KCNIP1: variants seen among roughly 807,000 people sequenced by gnomAD.
KCNIP1 encodes A-type potassium channel modulatory protein KCNIP1.
A neutral mutation model predicts 33.0 loss-of-function variants in KCNIP1; 18 were observed. That is an observed-to-expected ratio of 0.55 (90% CI 0.38 to 0.81). The LOEUF is 0.81. Among genes scored for constraint, KCNIP1 ranks in the 30% least tolerant of loss-of-function variants. The probability of loss-of-function intolerance (pLI) is 0.00; values close to 1 mark genes in which losing one functional copy is unlikely to be tolerated. For synonymous variants in KCNIP1, 93 were observed against 98.3 expected, an observed-to-expected ratio of 0.95 and a Z score of 0.32; for missense variants, 238 against 271.6, an observed-to-expected ratio of 0.88 and a Z score of 0.87.
intron 2 of KCNIP1, among the ~76,000 whole-genome samples, chr5:170,720,017 G>A (rs534203204): frequency 6.6e-6 from 1 of 152,314 alleles, no homozygotes; most frequent in Non-Finnish European, 1.5e-5. Flanking sequence ...TAAGGATATT[G>A]AGGATCAGAG....
intron 1 of KCNIP1, among the ~76,000 whole-genome samples, chr5:170,469,966 C>T (rs1049301616): frequency 1.3e-5 from 2 of 152,154 alleles, no homozygotes; most frequent in Non-Finnish European, 2.9e-5. Flanking sequence ...CAGAGGTTCA[C>T]GTATTTCCTG....
intron 1 of KCNIP1, among the ~76,000 whole-genome samples, chr5:170,530,711 G>A (rs1001287986): frequency 6.6e-6 from 1 of 152,210 alleles, no homozygotes; most frequent in African/African-American, 2.4e-5. Context: ...TGCATCCAGG[G>A]CTCAGATAGC....
At chr5:170,544,196 T>C (rs1756322262) in intron 1 of KCNIP1, among the ~76,000 whole-genome samples, 2 of 152,114 alleles carry the variant, frequency 1.3e-5, no homozygotes, top group South Asian at 4.1e-4. Flanking sequence ...GCGAATCACC[T>C]GAGGTCAGGA....
chr5:170,711,609 T>C (rs994417548), intron 1 of KCNIP1, among the ~76,000 whole-genome samples: 1 of 152,192 alleles, frequency 6.6e-6, no homozygotes, highest in Non-Finnish European at 1.5e-5. Flanking sequence ...GGAACAGATA[T>C]ACCACACCAG....
At chr5:170,728,521 T>G (rs1467282067) in intron 5 of KCNIP1, among the ~76,000 whole-genome samples, 1 of 152,262 alleles carries the variant, frequency 6.6e-6, no homozygotes, top group Non-Finnish European at 1.5e-5. Flanking sequence ...AAAAAGAAAT[T>G]GTGTAGCCAA....
At chr5:170,603,154 G>A (rs925907129) in intron 1 of KCNIP1, among the ~76,000 whole-genome samples, 3 of 151,928 alleles carry the variant, frequency 2.0e-5, no homozygotes, top group Admixed American at 6.5e-5. Flanking sequence ...TGCATAATGT[G>A]CAGATGAGGC....
intron 1 of KCNIP1, among the ~76,000 whole-genome samples, chr5:170,480,376 A>G (rs1756950508): frequency 1.9e-5 from 2 of 107,226 alleles, no homozygotes; most frequent in African/African-American, 1.2e-4. Flanking sequence ...TTGAGCTTAA[A>G]TGTGGCCTAA....
rs185220092 is a variant in KCNIP1 at position 170,546,735 on chromosome 5, C to A, written c.61+42102C>A. On this transcript the variant is annotated intron_variant, in intron 1 of 7. Transcript: ENST00000328939. ...GGAGTCAGCCTGCCACAATCTACTACATCTTACCTGGAAGCAATACCTTAT... is the reference window on the plus strand; with the variant it reads ...GGAGTCAGCCTGCCACAATCTACTAAATCTTACCTGGAAGCAATACCTTAT... Among the ~76,000 whole-genome samples, 221 of 152,202 alleles carry A rather than the reference C, an allele frequency of 1.5e-3. 1 individual carries two copies. The highest frequency in any genetic ancestry group is 5.1e-3 in the African/African-American group (210 of 41,524).
At chr5:170,415,342 T>C (rs1341951719) in intron 1 of KCNIP1, among the ~76,000 whole-genome samples, 1 of 152,144 alleles carries the variant, frequency 6.6e-6, no homozygotes, top group Non-Finnish European at 1.5e-5. Context: ...TCTACAACGG[T>C]ACTACTGACA....
intron 1 of KCNIP1, among the ~76,000 whole-genome samples, chr5:170,674,816 G>C (rs576698740): frequency 6.6e-6 from 1 of 152,138 alleles, no homozygotes; most frequent in Admixed American, 6.5e-5. Flanking sequence ...AGTCTCCATG[G>C]AGCTGACTTT....
chr5:170,434,751 T>C (rs1755821812), intron 1 of KCNIP1, among the ~76,000 whole-genome samples: 1 of 152,094 alleles, frequency 6.6e-6, no homozygotes, highest in African/African-American at 2.4e-5. Flanking sequence ...GGTCAGGAGT[T>C]TGAGACCAGC....
chr5:170,478,401 C>T (rs1038363976), intron 1 of KCNIP1, among the ~76,000 whole-genome samples: 8 of 152,322 alleles, frequency 5.3e-5, no homozygotes, highest in Non-Finnish European at 1.2e-4. Context: ...GGCTGGAGGA[C>T]AAGCTTCCCC....
intron 1 of KCNIP1, among the ~76,000 whole-genome samples, chr5:170,473,421 C>T (rs1756780945): frequency 6.6e-6 from 1 of 152,162 alleles, no homozygotes; most frequent in Admixed American, 6.5e-5. Flanking sequence ...GCAAAAGCAA[C>T]GTGCCCGAAG....
chr5:170,488,501 C>T (rs1363257816), intron 1 of KCNIP1, among the ~76,000 whole-genome samples: 3 of 152,182 alleles, frequency 2.0e-5, no homozygotes, highest in African/African-American at 4.8e-5. Flanking sequence ...TACGGTTAAG[C>T]ATCAGAGGAG....
chr5:170,637,749 A>G (rs1036356865), intron 1 of KCNIP1, among the ~76,000 whole-genome samples: 2 of 152,040 alleles, frequency 1.3e-5, no homozygotes, highest in Non-Finnish European at 2.9e-5. Flanking sequence ...TTCGCGCTAC[A>G]TAACAGACTC....
rs1487162006 is a variant in KCNIP1, at chr5:170,390,527, T to A, written c.88+36563T>A. ...CAAAAAAAAAAAACAAATATATATATATATATATATATTTTCAACAAAACA... is the reference window on the plus strand; with the variant it reads ...CAAAAAAAAAAAACAAATATATATAAATATATATATATTTTCAACAAAACA... On this transcript the variant is annotated intron_variant, in intron 1 of 7. Transcript: ENST00000377360. Among the ~76,000 whole-genome samples, 46 of 117,744 alleles carry A rather than the reference T, an allele frequency of 3.9e-4. 1 individual carries two copies. Among genetic ancestry groups the A allele is most frequent in the Non-Finnish European group, 6.0e-4 (34 of 57,026 alleles). The allele number at this position is 117,744 out of a possible 152,430, so 77.2% of individuals were successfully genotyped here.
At chr5:170,503,782 C>T (rs1427914112), upstream of KCNIP1, among the ~76,000 whole-genome samples, 1 of 133,258 alleles carries the variant, frequency 7.5e-6, no homozygotes, top group African/African-American at 2.8e-5. Context: ...ACACAGTCTC[C>T]CTGGGGCCAA....
At chr5:170,593,852 C>A (rs939588994) in intron 1 of KCNIP1, among the ~76,000 whole-genome samples, 2 of 152,130 alleles carry the variant, frequency 1.3e-5, no homozygotes, top group Non-Finnish European at 2.9e-5. Context: ...TGGGGGCCTT[C>A]CCTTCCCAGC....
chr5:170,394,990 A>G (rs777949124), intron 1 of KCNIP1, among the ~76,000 whole-genome samples: 1 of 152,170 alleles, frequency 6.6e-6, no homozygotes, highest in Non-Finnish European at 1.5e-5. Flanking sequence ...TCTTTATCTA[A>G]TCTGCTGTTG....
Sources: allele counts gnomAD v4.1 joint callset (sites outside exome capture counted in the v4.1 genomes callset), GRCh38; gene constraint gnomAD v4.1.1; transcripts MANE v1.5; gene names NCBI Gene and HGNC (gene_info 2026-07-23, HGNC 2026-07-21).